NSMCE2: variants seen among roughly 807,000 people sequenced by gnomAD.
NSMCE2 encodes NSE2 SUMO ligase component of SMC5/6 complex.
In NSMCE2, 24 loss-of-function variants were observed where a neutral mutation model predicts 23.8. That is an observed-to-expected ratio of 1.01 (90% confidence interval 0.73 to 1.42). The LOEUF is 1.42. Among genes scored for constraint, NSMCE2 ranks in the 40% most tolerant of loss-of-function variants. The probability of loss-of-function intolerance (pLI) is 0.00; values close to 1 mark genes in which losing one functional copy is unlikely to be tolerated. For missense variants in NSMCE2, 284 were observed against 296.5 expected (o/e 0.96, Z 0.31); for synonymous variants, 92 against 94.1 (o/e 0.98, Z 0.13).
intron 5 of NSMCE2, among the ~76,000 whole-genome samples, chr8:125,226,048 T>C (rs981804348): frequency 6.6e-6 from 1 of 152,228 alleles, no homozygotes; most frequent in African/African-American, 2.4e-5. Flanking sequence ...TTTGATTAAA[T>C]TCAACCTTTA....
At chr8:125,327,531 T>G (rs956386611) in intron 5 of NSMCE2, among the ~76,000 whole-genome samples, 1 of 151,954 alleles carries the variant, frequency 6.6e-6, no homozygotes, top group Non-Finnish European at 1.5e-5. Flanking sequence ...AAGAGAGTGT[T>G]TTTTTTTAAG....
At chr8:125,159,055 G>GT (rs1383455805) in intron 4 of NSMCE2, among the ~76,000 whole-genome samples, 5 of 152,194 alleles carry the variant, frequency 3.3e-5, no homozygotes, top group African/African-American at 1.2e-4. Context: ...TCTGAGTTGT[G>GT]TGATGAAACC....
intron 3 of NSMCE2, among the ~76,000 whole-genome samples, chr8:125,104,527 C>T (rs13262348): frequency 0.074 from 11,263 of 152,244 alleles, 511 homozygotes; most frequent in South Asian, 0.15. Context: ...GAGTGTCTCC[C>T]GGTCCTAGGT....
intron 5 of NSMCE2, among the ~76,000 whole-genome samples, chr8:125,235,653 G>A (rs920684418): frequency 2.0e-5 from 3 of 152,172 alleles, no homozygotes; most frequent in Non-Finnish European, 4.4e-5. Flanking sequence ...CCATGTCAGT[G>A]AATACAAAGA....
At chr8:125,361,103 T>G (rs1813530349) in intron 7 of NSMCE2, among the ~76,000 whole-genome samples, 1 of 151,860 alleles carries the variant, frequency 6.6e-6, no homozygotes, top group Non-Finnish European at 1.5e-5. Context: ...CTTTTCCTTT[T>G]TTTTTTGAGA....
At chr8:125,169,169 A>G (rs1172144768) in intron 4 of NSMCE2, among the ~76,000 whole-genome samples, 1 of 152,150 alleles carries the variant, frequency 6.6e-6, no homozygotes, top group Non-Finnish European at 1.5e-5. Flanking sequence ...TCACTCCTCC[A>G]TAATCTCTTT....
chr8:125,126,384 C>T (rs969107721), intron 3 of NSMCE2, among the ~76,000 whole-genome samples: 8 of 147,402 alleles, frequency 5.4e-5, no homozygotes, highest in East Asian at 2.0e-4. Flanking sequence ...AAAAAAAAAA[C>T]GAGGGGGACA....
chr8:125,231,926 G>A (rs1297782953), intron 5 of NSMCE2, among the ~76,000 whole-genome samples: 1 of 152,134 alleles, frequency 6.6e-6, no homozygotes. Flanking sequence ...TTCAGTATAT[G>A]CTGGCATACT....
intron 5 of NSMCE2, among the ~76,000 whole-genome samples, chr8:125,210,193 T>G (rs1824269936): frequency 6.6e-6 from 1 of 152,214 alleles, no homozygotes; most frequent in Admixed American, 6.5e-5. Context: ...TTCAAAGGAT[T>G]GTTGTGGAGA....
chr8:125,130,865 G>A lies in NSMCE2; in HGVS notation c.158-20306G>A, dbSNP rs536150128. Among the ~76,000 whole-genome samples the A allele has an allele frequency of 1.2e-4, 18 of 152,212 alleles. No homozygotes were observed. The South Asian group carries it at 2.5e-3, about 21-fold the overall frequency. On this transcript the variant is annotated intron_variant, in intron 3 of 7. Transcript: ENST00000287437. Reference sequence around the variant, plus strand: ...AACATTAAGAAACTGGACTCCCACCGTCCACTGTACATTTGCTTCTGTGTG... The same window carrying A: ...AACATTAAGAAACTGGACTCCCACCATCCACTGTACATTTGCTTCTGTGTG...
chr8:125,264,851 A>G (rs1363705844), intron 5 of NSMCE2, among the ~76,000 whole-genome samples: 1 of 152,166 alleles, frequency 6.6e-6, no homozygotes, highest in East Asian at 1.9e-4. Context: ...TATATCTTCT[A>G]GTACCTTGAC....
chr8:125,185,295 A>G (rs1823040901), intron 5 of NSMCE2, among the ~76,000 whole-genome samples: 1 of 151,308 alleles, frequency 6.6e-6, no homozygotes, highest in African/African-American at 2.4e-5. Flanking sequence ...TGCTCCCATT[A>G]CATTTTAAAT....
intron 4 of NSMCE2, among the ~76,000 whole-genome samples, chr8:125,159,315 AG>A (rs1428862831): frequency 1.3e-5 from 2 of 152,236 alleles, no homozygotes; most frequent in Non-Finnish European, 2.9e-5. Context: ...ACAATATTTC[AG>A]TTAACGAGGG....
intron 5 of NSMCE2, among the ~76,000 whole-genome samples, chr8:125,215,147 C>T (rs1189910823): frequency 6.6e-6 from 1 of 150,764 alleles, no homozygotes; most frequent in Non-Finnish European, 1.5e-5. Context: ...CCCACTAACT[C>T]GTCATCTAGC....
intron 4 of NSMCE2, among the ~76,000 whole-genome samples, chr8:125,172,102 A>C (rs1822248372): frequency 6.6e-6 from 1 of 152,240 alleles, no homozygotes; most frequent in Admixed American, 6.5e-5. Flanking sequence ...AGTGGTGAAG[A>C]AACTTGCCCA....
intron 4 of NSMCE2, among the ~76,000 whole-genome samples, chr8:125,160,033 A>G (rs1389625600): frequency 6.6e-6 from 1 of 152,168 alleles, no homozygotes; most frequent in Non-Finnish European, 1.5e-5. Flanking sequence ...GCCTCTTGAC[A>G]TATGTACACA....
chr8:125,335,930 C>A (rs1226859209), intron 5 of NSMCE2, among the ~76,000 whole-genome samples: 1 of 152,148 alleles, frequency 6.6e-6, no homozygotes, highest in African/African-American at 2.4e-5. Flanking sequence ...GAAAACATCA[C>A]TTTTGGATCT....
At chr8:125,258,656 T>G (rs148084963) in intron 5 of NSMCE2, among the ~76,000 whole-genome samples, 1 of 152,148 alleles carries the variant, frequency 6.6e-6, no homozygotes, top group African/African-American at 2.4e-5. Context: ...ATAGGAAAGA[T>G]TAGAAGGGAC....
At chr8:125,129,358 C>CTTT (rs1315225704) in intron 3 of NSMCE2, among the ~76,000 whole-genome samples, 10 of 151,846 alleles carry the variant, frequency 6.6e-5, no homozygotes, top group Non-Finnish European at 1.3e-4. Flanking sequence ...ACTTAAACAT[C>CTTT]TTTTTAAGCC....
Sources: gnomAD v4.1 joint callset for allele counts (sites outside exome capture counted in the v4.1 genomes callset) on GRCh38, gnomAD v4.1.1 for gene constraint, MANE v1.5 for transcripts, NCBI Gene and HGNC (gene_info 2026-07-23, HGNC 2026-07-21) for gene names.